C1orf94: variants seen among roughly 807,000 people sequenced by gnomAD.
C1orf94 encodes uncharacterized protein C1orf94.
Under a neutral mutation model 53.6 loss-of-function variants are expected in C1orf94, and 45 were observed. The ratio of observed to expected loss-of-function variants is 0.84; its 90% CI spans 0.66 to 1.08. C1orf94 has a LOEUF of 1.08. C1orf94 is among the 50% of genes least tolerant of loss of function. The probability of loss-of-function intolerance (pLI) is 0.00; values close to 1 mark genes in which losing one functional copy is unlikely to be tolerated. For missense variants in C1orf94, 762 were observed against 738.9 expected (o/e 1.03, Z -0.36); for synonymous variants, 304 against 296.1 (o/e 1.03, Z -0.27).
chr1:34,202,352 T>C, intron 4 of C1orf94, 93 bp downstream of exon 4: 2 of 1,368,166 alleles, frequency 1.5e-6, no homozygotes, highest in Non-Finnish European at 2.0e-6. Flanking sequence ...TCACAGAGTC[T>C]TTAGACTCCT....
intron 1 of C1orf94, among the ~76,000 whole-genome samples, chr1:34,186,710 C>G (rs1186163262): frequency 6.6e-6 from 1 of 152,184 alleles, no homozygotes; most frequent in Non-Finnish European, 1.5e-5. Flanking sequence ...TCTTCTTGAC[C>G]ATTGGCCAGA....
intron 5 of C1orf94, 144 bp downstream of exon 5, chr1:34,208,378 A>G (rs886064816): frequency 6.4e-6 from 5 of 779,536 alleles, no homozygotes; most frequent in African/African-American, 1.7e-5. Context: ...ACATACCGGC[A>G]TGCGTGTGGA....
At chr1:34,201,385 C>T (rs978628439) in intron 3 of C1orf94, among the ~76,000 whole-genome samples, 2 of 152,136 alleles carry the variant, frequency 1.3e-5, no homozygotes, top group Admixed American at 6.5e-5. Context: ...GCTTTCTTTT[C>T]CTACAAGGGT....
chr1:34,213,887 T>C (rs1642940220), intron 6 of C1orf94, among the ~76,000 whole-genome samples: 1 of 151,966 alleles, frequency 6.6e-6, no homozygotes, highest in African/African-American at 2.4e-5. Flanking sequence ...TCCTTCCTTC[T>C]TTCCTCCCTC....
intron 5 of C1orf94, among the ~76,000 whole-genome samples, chr1:34,208,573 T>G (rs1202892447): frequency 6.6e-6 from 1 of 152,086 alleles, no homozygotes; most frequent in Non-Finnish European, 1.5e-5. Context: ...TTGCCCAAAG[T>G]AATAAAGTTA....
chr1:34,169,090 G>A (rs978474913), intron 1 of C1orf94, among the ~76,000 whole-genome samples: 1 of 151,836 alleles, frequency 6.6e-6, no homozygotes, highest in Non-Finnish European at 1.5e-5. Context: ...GGAAAGAGAC[G>A]CCAAGTGATG....
At chr1:34,184,326 T>C (rs1642354566) in intron 1 of C1orf94, among the ~76,000 whole-genome samples, 2 of 152,016 alleles carry the variant, frequency 1.3e-5, no homozygotes, top group Admixed American at 6.6e-5. Flanking sequence ...GGGAGTGAAG[T>C]GTAGCATGTG....
At chr1:34,187,771 C>CCT (rs1557479596) in intron 1 of C1orf94, among the ~76,000 whole-genome samples, 1 of 19,720 alleles carries the variant, frequency 5.1e-5, no homozygotes, top group African/African-American at 1.5e-4. Flanking sequence ...ATCCACCCAC[C>CCT]CCCCCCCCCC....
chr1:34,182,675 A>G (rs1642327734), intron 1 of C1orf94, among the ~76,000 whole-genome samples: 1 of 152,216 alleles, frequency 6.6e-6, no homozygotes, highest in Non-Finnish European at 1.5e-5. Flanking sequence ...ATTGAGGCTC[A>G]TGCTCTGCTT....
intron 6 of C1orf94, among the ~76,000 whole-genome samples, chr1:34,217,803 A>G (rs543985298): frequency 3.5e-4 from 53 of 152,296 alleles, no homozygotes; most frequent in Admixed American, 1.5e-3. Context: ...AATCTCTTCT[A>G]TAATATGCAT....
chr1:34,217,461 T>C (rs1407335967), intron 6 of C1orf94, among the ~76,000 whole-genome samples: 3 of 123,634 alleles, frequency 2.4e-5, no homozygotes, highest in African/African-American at 9.4e-5. Context: ...ATAACATCAT[T>C]ATGATTTCTG....
intron 6 of C1orf94, among the ~76,000 whole-genome samples, chr1:34,217,956 A>G (rs993685045): frequency 1.3e-5 from 2 of 152,268 alleles, no homozygotes; most frequent in Non-Finnish European, 2.9e-5. Flanking sequence ...GGATTCCAGC[A>G]GTGTGAGTAA....
chr1:34,191,776 C>T (rs568384769), intron 1 of C1orf94, among the ~76,000 whole-genome samples: 1 of 152,258 alleles, frequency 6.6e-6, no homozygotes, highest in East Asian at 1.9e-4. Flanking sequence ...TTCATCTTTG[C>T]TCTGTGTTAT....
At position 34,218,797 on chromosome 1, in the gene C1orf94, G is replaced by A; in HGVS notation, c.*36G>A. The A allele has an allele frequency of 6.3e-7, 1 of 1,578,726 alleles. No individual in the cohort carries two copies. The highest frequency in any genetic ancestry group is 8.7e-7 in the Non-Finnish European group (1 of 1,152,632). ...CTCCCTTCTCCTCCCTTAGCCCTTG[G>A]ATCAGGACTAGGGGCTCTGATTTTT... On this transcript the variant is annotated 3_prime_UTR_variant, in exon 7 of 7. Coordinates refer to ENST00000488417, the MANE Select transcript of C1orf94 (RefSeq NM_001134734.2).
At chr1:34,178,142 GA>G in intron 1 of C1orf94, 33 bp downstream of exon 1, 1 of 1,532,894 alleles carries the variant, frequency 6.5e-7, no homozygotes, top group South Asian at 1.2e-5. Context: ...GGCAGCAAGG[GA>G]GGAGGGAGGA....
At chr1:34,174,884 C>T (rs1017319050), upstream of C1orf94, among the ~76,000 whole-genome samples, 2 of 152,008 alleles carry the variant, frequency 1.3e-5, no homozygotes, top group African/African-American at 2.4e-5. Flanking sequence ...CTCTGGTTCC[C>T]GAGAATATGT....
At chr1:34,215,735 G>T (rs1642976571) in intron 6 of C1orf94, among the ~76,000 whole-genome samples, 1 of 152,246 alleles carries the variant, frequency 6.6e-6, no homozygotes, top group African/African-American at 2.4e-5. Context: ...GCCAGGCACA[G>T]TGGCTCACGC....
chr1:34,215,214 T>C (rs1642964799), intron 6 of C1orf94, among the ~76,000 whole-genome samples: 1 of 152,128 alleles, frequency 6.6e-6, no homozygotes, highest in South Asian at 2.1e-4. Context: ...GATGAGCCTC[T>C]GGGCAGAAAT....
At chr1:34,192,193 G>T (rs992651846) in intron 1 of C1orf94, among the ~76,000 whole-genome samples, 1 of 152,326 alleles carries the variant, frequency 6.6e-6, no homozygotes, top group African/African-American at 2.4e-5. Flanking sequence ...TACAGGAAAT[G>T]GGGGTGAGCA....
Sources: allele counts gnomAD v4.1 joint callset (sites outside exome capture counted in the v4.1 genomes callset), GRCh38; gene constraint gnomAD v4.1.1; transcripts MANE v1.5; gene names NCBI Gene and HGNC (gene_info 2026-07-23, HGNC 2026-07-21).